The following ADAMTS20 variants were observed in gnomAD, a reference collection of about 807,000 sequenced individuals.
ADAMTS20 encodes the protein ADAM metallopeptidase with thrombospondin type 1 motif 20.
ADAMTS20 carries 225 observed loss-of-function variants against 260.1 expected under a neutral mutation model. The ratio of observed to expected loss-of-function variants is 0.87; its 90% CI spans 0.78 to 0.97. The LOEUF is 0.97. Ranked by LOEUF, ADAMTS20 falls within the 50% of genes least tolerant of loss-of-function variation. The pLI, the probability that ADAMTS20 is intolerant of heterozygous loss-of-function variation, is 0.00. For synonymous variants in ADAMTS20, 802 were observed against 769.5 expected, an observed-to-expected ratio of 1.04 and a Z score of -0.70; for missense variants, 2,400 against 2,337.7, an observed-to-expected ratio of 1.03 and a Z score of -0.55.
At chr12:43,402,771 A>C (rs1940835171) in intron 28 of ADAMTS20, among the ~76,000 whole-genome samples, 1 of 152,034 alleles carries the variant, frequency 6.6e-6, no homozygotes, top group Non-Finnish European at 1.5e-5. Context: ...TTGAAGTTTT[A>C]TTTAGTGCTG....
At chr12:43,380,464 GC>G (rs1324272048) in intron 31 of ADAMTS20, among the ~76,000 whole-genome samples, 2 of 151,972 alleles carry the variant, frequency 1.3e-5, no homozygotes, top group African/African-American at 4.8e-5. Flanking sequence ...GGTACAAAAG[GC>G]ATCCATCTTT....
chr12:43,429,058 C>T (rs543195661), intron 24 of ADAMTS20, among the ~76,000 whole-genome samples: 4 of 151,858 alleles, frequency 2.6e-5, no homozygotes, highest in South Asian at 2.1e-4. Context: ...TAAAATAATG[C>T]TTAGTTATTT....
intron 2 of ADAMTS20, 63 bp from the exon 3 acceptor site, chr12:43,532,258 G>T: frequency 7.0e-7 from 1 of 1,430,390 alleles, no homozygotes; most frequent in East Asian, 2.4e-5. Context: ...AAAACACATA[G>T]TACCACAGGT....
At position 43,493,208 on chromosome 12, in the gene ADAMTS20, T is replaced by C. The variant is rs1022440110; in HGVS notation, c.913A>G (p.Ile305Val). ...ATCATAACTAATTTTACCACTACTA[T>C]GTGTATCAAATTTCCAATACTTGGA... Reference protein sequence around the residue: ...KDPSIGNLIHIVVVKLVMIHR... With the variant: ...KDPSIGNLIHVVVVKLVMIHR... The change falls in exon 5 of 39, where the codon ATA becomes GTA. Residue 305 changes from isoleucine to valine, a missense_variant. Transcript: ENST00000389420. The C allele has an allele frequency of 6.4e-7, 1 of 1,562,918 alleles. No homozygotes were observed. The highest frequency in any genetic ancestry group is 1.4e-5 in the African/African-American group (1 of 73,886).
intron 36 of ADAMTS20, among the ~76,000 whole-genome samples, chr12:43,373,791 T>C (rs1442543207): frequency 6.8e-6 from 1 of 146,074 alleles, no homozygotes; most frequent in Non-Finnish European, 1.5e-5. Context: ...GCCATTCTCC[T>C]GCCTCAGCCT....
chr12:43,501,481 G>GCGCGCACACACACACACACACACACA (rs373746834), intron 4 of ADAMTS20, among the ~76,000 whole-genome samples: 105 of 117,810 alleles, frequency 8.9e-4, no homozygotes, highest in Admixed American at 5.5e-3. Context: ...GCGCGCGCGC[G>GCGCGCACACACACACACACACACACA]CACACACACA....
At position 43,431,266 on chromosome 12, in the gene ADAMTS20, T is replaced by C. The variant is rs1271838119; in HGVS notation, c.3261+66A>G. 2.6e-6 allele frequency: 4 copies of C among 1,525,786 alleles called. No individual in the cohort carries two copies. The African/African-American group carries it at 4.2e-5, about 16-fold the overall frequency. 94.5% of individuals were successfully genotyped at this position (1,525,786 alleles called of 1,614,324 possible). A position where few individuals can be genotyped will look rare whatever the true frequency, so the allele number is the denominator to read the frequency against. On this transcript the variant is annotated intron_variant, in intron 22 of 38. Transcript: ENST00000389420. ...GCATCCACTAAGGGAGGAGTAAATA[T>C]AACACAACTTTTGTGCTATTCTGTA...
intron 36 of ADAMTS20, among the ~76,000 whole-genome samples, chr12:43,374,746 C>T (rs1940184134): frequency 1.1e-5 from 1 of 93,732 alleles, no homozygotes. Context: ...TTACTTTAAA[C>T]TCTGCAAAAA....
chr12:43,413,321 G>A (rs910814620), intron 28 of ADAMTS20, among the ~76,000 whole-genome samples: 1 of 151,974 alleles, frequency 6.6e-6, no homozygotes, highest in Non-Finnish European at 1.5e-5. Flanking sequence ...CTATTATAGG[G>A]TTTGTGTATG....
intron 4 of ADAMTS20, among the ~76,000 whole-genome samples, chr12:43,501,700 C>T (rs540599186): frequency 3.9e-5 from 6 of 152,078 alleles, no homozygotes; most frequent in African/African-American, 1.4e-4. Flanking sequence ...CCCTTTAACG[C>T]CATAAATACA....
intron 31 of ADAMTS20, among the ~76,000 whole-genome samples, chr12:43,381,618 C>CA (rs142351546): frequency 0.64 from 66,036 of 102,684 alleles, 19,395 homozygotes; most frequent in East Asian, 0.86. Flanking sequence ...CCCATCTCTA[C>CA]AAAAAAAAAA....
chr12:43,429,813 A>G (rs1941406188), intron 23 of ADAMTS20, 89 bp from the exon 24 acceptor site: 1 of 819,574 alleles, frequency 1.2e-6, no homozygotes, highest in Non-Finnish European at 1.9e-6. Flanking sequence ...GTATGTCTCA[A>G]GAACCGTTCC....
intron 4 of ADAMTS20, 132 bp from the exon 5 acceptor site, chr12:43,493,385 T>C (rs1942634444): frequency 1.6e-6 from 1 of 644,896 alleles, no homozygotes; most frequent in Non-Finnish European, 2.6e-6. Context: ...CTTAGAGTGC[T>C]TTAACAAATC....
chr12:43,383,563 A>G lies in ADAMTS20; in HGVS notation c.4792T>C (p.Ser1598Pro), dbSNP rs1340897637. 1 of 1,607,884 alleles carries G rather than the reference A, an allele frequency of 6.2e-7. No homozygotes were observed. The highest frequency in any genetic ancestry group is 1.7e-5 in the Admixed American group (1 of 59,156). The change falls in exon 31 of 39, where the codon TCA (serine) becomes CCA (proline). Residue 1598 changes from serine (S) to proline (P), a missense_variant. By Grantham distance (74) the Ser-to-Pro change is moderately conservative (BLOSUM62 -1). Coordinates refer to ENST00000389420, the MANE Select transcript of ADAMTS20 (RefSeq NM_025003.5). ...CNYIVVTADS[S>P]QCANNCGFSY... ...ACTTCCTTTCTTTACCTTACCTGTG[A>G]TGAGTCTGCTGTTACCACAATGTAA...
chr12:43,529,766 T>C (rs574626019), intron 3 of ADAMTS20, among the ~76,000 whole-genome samples: 2 of 152,256 alleles, frequency 1.3e-5, no homozygotes, highest in East Asian at 1.9e-4. Flanking sequence ...ATAATTCATC[T>C]ATGTAACCAA....
At chr12:43,469,009 A>G (rs932814025) in intron 7 of ADAMTS20, among the ~76,000 whole-genome samples, 1 of 152,154 alleles carries the variant, frequency 6.6e-6, no homozygotes, top group Non-Finnish European at 1.5e-5. Context: ...TGCAGGAAGT[A>G]TGAAGTGTTT....
intron 4 of ADAMTS20, among the ~76,000 whole-genome samples, chr12:43,496,117 T>C (rs953891655): frequency 1.3e-5 from 2 of 152,328 alleles, no homozygotes; most frequent in Admixed American, 6.5e-5. Flanking sequence ...GCCTTGATGA[T>C]AGGATACTAC....
intron 3 of ADAMTS20, among the ~76,000 whole-genome samples, chr12:43,509,010 G>A (rs982154268): frequency 2.0e-5 from 3 of 151,970 alleles, no homozygotes; most frequent in Admixed American, 6.6e-5. Context: ...TAAGTTGTTT[G>A]GTTTTCTCTT....
intron 3 of ADAMTS20, among the ~76,000 whole-genome samples, chr12:43,527,159 C>T (rs1326410114): frequency 6.6e-6 from 1 of 152,100 alleles, no homozygotes; most frequent in Non-Finnish European, 1.5e-5. Context: ...AAACCCTACA[C>T]AGACCAATAA....
Sources: allele counts gnomAD v4.1 joint callset (sites outside exome capture counted in the v4.1 genomes callset), GRCh38; gene constraint gnomAD v4.1.1; transcripts MANE v1.5; gene names NCBI Gene and HGNC (gene_info 2026-07-23, HGNC 2026-07-21).